ANKRD36: variants seen among roughly 807,000 people sequenced by gnomAD.
ANKRD36 encodes the protein ankyrin repeat domain-containing protein 36A.
A neutral mutation model predicts 278.1 loss-of-function variants in ANKRD36; 179 were observed. The ratio of observed to expected loss-of-function variants is 0.64; its 90% CI spans 0.57 to 0.73. The LOEUF (loss-of-function observed/expected upper bound fraction) is 0.73. Among genes scored for constraint, ANKRD36 ranks in the 30% least tolerant of loss-of-function variants. The probability of loss-of-function intolerance (pLI) is 0.00; values close to 1 mark genes in which losing one functional copy is unlikely to be tolerated. For missense variants in ANKRD36, 1,159 were observed against 1,956.7 expected (o/e 0.59, Z 7.69); for synonymous variants, 320 against 641.1 (o/e 0.50, Z 7.57).
At chr2:97,135,061 C>T (rs2443904) in intron 6 of ANKRD36, among the ~76,000 whole-genome samples, 4 of 152,114 alleles carry the variant, frequency 2.6e-5, no homozygotes, top group African/African-American at 4.8e-5. Flanking sequence ...CTCTTCTGCA[C>T]TGGCAGCTGA....
intron 38 of ANKRD36, 118 bp from the exon 39 acceptor site, chr2:97,194,608 A>T: frequency 5.1e-6 from 8 of 1,557,350 alleles, no homozygotes; most frequent in Non-Finnish European, 6.9e-6. Context: ...AGTAGAAGCC[A>T]TCAAAGCGTA....
chr2:97,143,127 G>A (rs1347746134), intron 8 of ANKRD36, among the ~76,000 whole-genome samples: 1 of 151,810 alleles, frequency 6.6e-6, no homozygotes, highest in Non-Finnish European at 1.5e-5. Context: ...CTACAGCATA[G>A]TTCCATCATA....
intron 17 of ANKRD36, 31 bp downstream of exon 17, chr2:97,158,686 A>G (rs1258197306): frequency 1.3e-6 from 2 of 1,523,448 alleles, no homozygotes; most frequent in Non-Finnish European, 1.8e-6. Context: ...AAGCCAACAT[A>G]GAATAATCAG....
At chr2:97,159,157 A>G (rs1325846071) in intron 17 of ANKRD36, among the ~76,000 whole-genome samples, 2 of 152,038 alleles carry the variant, frequency 1.3e-5, no homozygotes, top group African/African-American at 4.8e-5. Context: ...TTAAATATAG[A>G]TTAAGAAAAG....
chr2:97,195,285 C>T (rs1286720575), intron 40 of ANKRD36, among the ~76,000 whole-genome samples: 1 of 151,926 alleles, frequency 6.6e-6, no homozygotes, highest in Non-Finnish European at 1.5e-5. Context: ...TAAAAACAGA[C>T]AGAAAACTGT....
At chr2:97,172,250 C>G (rs1340661689) in intron 22 of ANKRD36, among the ~76,000 whole-genome samples, 2 of 151,810 alleles carry the variant, frequency 1.3e-5, no homozygotes, top group Non-Finnish European at 2.9e-5. Flanking sequence ...AGGCAGTGCA[C>G]TTAATGAATG....
In ANKRD36 at chr2:97,204,311, G is replaced by A. The variant is rs754904889; in HGVS notation, c.3061+48G>A. On this transcript the variant is annotated intron_variant, in intron 50 of 75. Transcript: ENST00000420699. ...TGTCATGTTCAGTGCAGATAGATAA[G>A]AAGTTCTCTTCCCTGAATAAATCAG... 11 of 1,519,464 alleles carry A rather than the reference G, an allele frequency of 7.2e-6. No homozygotes were observed. In the East Asian group the frequency reaches 2.7e-4, roughly 38 times the overall value. 94.1% of individuals were successfully genotyped at this position (1,519,464 alleles called of 1,614,324 possible). A position where few individuals can be genotyped will look rare whatever the true frequency, so the allele number is the denominator to read the frequency against.
At chr2:97,217,726 G>A (rs2066339875) in intron 64 of ANKRD36, among the ~76,000 whole-genome samples, 1 of 151,884 alleles carries the variant, frequency 6.6e-6, no homozygotes, top group Non-Finnish European at 1.5e-5. Flanking sequence ...AGAAATTATA[G>A]ATGTCAGATG....
intron 62 of ANKRD36, chr2:97,215,844 G>A (rs1355466302): frequency 6.6e-5 from 39 of 595,378 alleles, no homozygotes; most frequent in Middle Eastern, 4.6e-4. Context: ...TATTATAGGC[G>A]TCAGATCATA....
At chr2:97,114,265 A>G (rs1239003894) in intron 1 of ANKRD36, among the ~76,000 whole-genome samples, 1 of 107,406 alleles carries the variant, frequency 9.3e-6, no homozygotes, top group Admixed American at 1.0e-4. Context: ...TGAGGGTTCA[A>G]TGGGATAGAG....
Position 97,149,317 on chromosome 2 carries a change from G to C in ANKRD36, c.1057G>C (p.Val353Leu). 6.5e-7 allele frequency: 1 copy of C among 1,534,192 alleles called. No individual in the cohort carries two copies. The highest frequency in any genetic ancestry group is 2.0e-5 in the Admixed American group (1 of 50,610). The part of the protein sequence containing the change: ...LNRSLYRPDA[V>L]AQPVTENEFS... Reference sequence around the variant, plus strand: ...TAGGAGTCTCTACAGACCTGATGCTGTTGCACAGCCTGTGACAGAGAATGA... The same window carrying C: ...TAGGAGTCTCTACAGACCTGATGCTCTTGCACAGCCTGTGACAGAGAATGA... The change falls in exon 12 of 76, where the codon GTT (valine) becomes CTT (leucine). Residue 353 changes from valine (V) to leucine (L), a missense_variant. Coordinates refer to ENST00000420699, the MANE Select transcript of ANKRD36 (RefSeq NM_001354587.1).
At chr2:97,152,847 A>C (rs1300687398) in intron 14 of ANKRD36, among the ~76,000 whole-genome samples, 1 of 147,606 alleles carries the variant, frequency 6.8e-6, no homozygotes, top group Admixed American at 6.7e-5. Flanking sequence ...ATAGAGGCCT[A>C]TGCAGCAATG....
At chr2:97,160,676 A>G (rs576061149) in intron 17 of ANKRD36, among the ~76,000 whole-genome samples, 1 of 152,210 alleles carries the variant, frequency 6.6e-6, no homozygotes, top group South Asian at 2.1e-4. Flanking sequence ...TAGAGCTATT[A>G]GTATATCATT....
intron 44 of ANKRD36, among the ~76,000 whole-genome samples, chr2:97,199,777 AC>A (rs1387730264): frequency 2.6e-5 from 4 of 151,916 alleles, no homozygotes; most frequent in Admixed American, 6.6e-5. Flanking sequence ...AATATTATGT[AC>A]TAGGTATCAG....
At chr2:97,193,648 A>G (rs2059028122) in intron 38 of ANKRD36, among the ~76,000 whole-genome samples, 1 of 151,630 alleles carries the variant, frequency 6.6e-6, no homozygotes, top group Non-Finnish European at 1.5e-5. Context: ...TACTCCAGGA[A>G]CTACTGGAAG....
At chr2:97,126,850 G>A (rs1442844455) in intron 5 of ANKRD36, among the ~76,000 whole-genome samples, 1 of 150,760 alleles carries the variant, frequency 6.6e-6, no homozygotes, top group Non-Finnish European at 1.5e-5. Context: ...ATGTGAGATA[G>A]TTTGCTGAGC....
At chr2:97,184,431 A>G (rs191578475) in intron 28 of ANKRD36, among the ~76,000 whole-genome samples, 5 of 151,838 alleles carry the variant, frequency 3.3e-5, no homozygotes, top group African/African-American at 9.6e-5. Flanking sequence ...TAAAATAGCT[A>G]TTTAGTGAAA....
At chr2:97,170,498 A>G (rs1010356127) in intron 22 of ANKRD36, among the ~76,000 whole-genome samples, 6 of 151,964 alleles carry the variant, frequency 3.9e-5, no homozygotes, top group African/African-American at 1.4e-4. Flanking sequence ...AACTTTCTAC[A>G]TAGCCATATG....
intron 20 of ANKRD36, among the ~76,000 whole-genome samples, chr2:97,165,678 C>G (rs751820265): frequency 6.6e-6 from 1 of 150,874 alleles, no homozygotes; most frequent in Non-Finnish European, 1.5e-5. Context: ...TAAAGGGTTT[C>G]CAGGTGTCAA....
Sources: gnomAD v4.1 joint callset for allele counts (sites outside exome capture counted in the v4.1 genomes callset) on GRCh38, gnomAD v4.1.1 for gene constraint, MANE v1.5 for transcripts, NCBI Gene and HGNC (gene_info 2026-07-23, HGNC 2026-07-21) for gene names.